Variants in ARHGAP12 observed in about 807,000 individuals in gnomAD.
ARHGAP12 encodes the protein Rho GTPase activating protein 12, also known as rho GTPase-activating protein 12.
Under a neutral mutation model 108.6 loss-of-function variants are expected in ARHGAP12, and 64 were observed. The observed-to-expected ratio is 0.59, with a 90% CI of 0.48 to 0.73. The LOEUF (loss-of-function observed/expected upper bound fraction) is 0.73. Among genes scored for constraint, ARHGAP12 ranks in the 30% least tolerant of loss-of-function variants. The pLI is 0.00. For synonymous variants in ARHGAP12, 312 were observed against 337.2 expected, an observed-to-expected ratio of 0.93 and a Z score of 0.82; for missense variants, 940 against 1,005.9, an observed-to-expected ratio of 0.93 and a Z score of 0.89.
At chr10:31,893,522 T>A (rs1295774632) in intron 3 of ARHGAP12, among the ~76,000 whole-genome samples, 1 of 151,946 alleles carries the variant, frequency 6.6e-6, no homozygotes, top group African/African-American at 2.4e-5. Flanking sequence ...CCTCGACTCA[T>A]ACACCCTCCC....
At chr10:31,873,047 A>G (rs1484010169) in intron 3 of ARHGAP12, among the ~76,000 whole-genome samples, 1 of 152,208 alleles carries the variant, frequency 6.6e-6, no homozygotes, top group Non-Finnish European at 1.5e-5. Context: ...CTGTGCATCT[A>G]GAGCATCAGT....
chr10:31,874,391 C>T (rs1011881135), intron 3 of ARHGAP12, among the ~76,000 whole-genome samples: 4 of 152,158 alleles, frequency 2.6e-5, no homozygotes, highest in African/African-American at 9.7e-5. Flanking sequence ...GGGTTTCTAA[C>T]TTACTATCTG....
rs542614081 is a variant in ARHGAP12 at position 31,816,320 on chromosome 10, C to G, written c.1731+1468G>C. 3.9e-5 allele frequency among the ~76,000 whole-genome samples: 6 copies of G among 152,190 alleles called. No homozygotes were observed. In the South Asian group the frequency reaches 1.2e-3, roughly 32 times the overall value. ...TGCAAGGCCTTCCCTAACTAATACA[C>G]TAGGTTTGCCCCTACTTAATTGGTG... On this transcript the variant is annotated intron_variant, in intron 13 of 19. Transcript: ENST00000344936.
intron 3 of ARHGAP12, among the ~76,000 whole-genome samples, chr10:31,871,714 T>C (rs953199859): frequency 1.3e-5 from 2 of 152,174 alleles, no homozygotes; most frequent in Non-Finnish European, 2.9e-5. Flanking sequence ...AATCGTGCCA[T>C]GCTATAAACT....
intron 11 of ARHGAP12, among the ~76,000 whole-genome samples, chr10:31,824,381 G>T (rs984718734): frequency 1.3e-5 from 2 of 152,100 alleles, no homozygotes; most frequent in African/African-American, 2.4e-5. Context: ...AATTAAAATA[G>T]TGATTCCCTG....
intron 3 of ARHGAP12, among the ~76,000 whole-genome samples, chr10:31,871,383 G>C (rs1213358176): frequency 6.6e-6 from 1 of 151,926 alleles, no homozygotes; most frequent in African/African-American, 2.4e-5. Flanking sequence ...GAAACTCAGA[G>C]GTGCTCTATT....
At chr10:31,885,436 T>A (rs753057659) in intron 3 of ARHGAP12, among the ~76,000 whole-genome samples, 1 of 152,198 alleles carries the variant, frequency 6.6e-6, no homozygotes, top group Admixed American at 6.5e-5. Flanking sequence ...TATTTTTCTA[T>A]CACCTCATTA....
intron 4 of ARHGAP12, among the ~76,000 whole-genome samples, chr10:31,857,671 C>T (rs1023665502): frequency 4.6e-5 from 7 of 152,006 alleles, no homozygotes; most frequent in Non-Finnish European, 8.8e-5. Context: ...AAGCTGCCAA[C>T]AAAAAGAGAC....
At chr10:31,815,120 CA>C (rs57510581) in intron 13 of ARHGAP12, among the ~76,000 whole-genome samples, 53,812 of 111,674 alleles carry the variant, frequency 0.48, 10,748 homozygotes, top group Middle Eastern at 0.6. Flanking sequence ...GACTCTGTCT[CA>C]AAAAAAAAAA....
chr10:31,872,764 T>C (rs556070463), intron 3 of ARHGAP12, among the ~76,000 whole-genome samples: 20 of 152,302 alleles, frequency 1.3e-4, no homozygotes, highest in South Asian at 8.3e-4. Flanking sequence ...TCCAAGGACC[T>C]TGAAAGAGAA....
At chr10:31,888,361 A>G (rs2132391305) in intron 3 of ARHGAP12, among the ~76,000 whole-genome samples, 1 of 152,348 alleles carries the variant, frequency 6.6e-6, no homozygotes, top group South Asian at 2.1e-4. Flanking sequence ...AGGCAAGCCA[A>G]GACAGACTCT....
rs764510494 is a variant in ARHGAP12 at position 31,807,705 on chromosome 10, T to C, written c.2494A>G (p.Ile832Val). ...AGTTCCAGAAGAATTAATTCTACAA[T>C]CTGATTCTGGTACACAGTATGAACT... ...IAVHTVYQNQ[I>V]VELILLELSS... Residue 832 changes from isoleucine (I) to valine (V), a missense_variant, in exon 20 of 20, where the codon ATT (isoleucine) becomes GTT (valine). Coordinates refer to ENST00000344936, the MANE Select transcript of ARHGAP12 (RefSeq NM_018287.7). 2 of 1,606,756 alleles carry C rather than the reference T, an allele frequency of 1.2e-6. No homozygotes were observed. The highest frequency in any genetic ancestry group is 1.7e-6 in the Non-Finnish European group (2 of 1,177,898).
intron 6 of ARHGAP12, among the ~76,000 whole-genome samples, chr10:31,845,695 G>T (rs1274932445): frequency 6.6e-6 from 1 of 152,148 alleles, no homozygotes; most frequent in Admixed American, 6.5e-5. Context: ...TGAGGCACAA[G>T]AATAGCTTGA....
intron 16 of ARHGAP12, among the ~76,000 whole-genome samples, chr10:31,810,314 T>C (rs1834968446): frequency 6.6e-6 from 1 of 152,150 alleles, no homozygotes; most frequent in East Asian, 1.9e-4. Context: ...TCGGATCTTA[T>C]ACATTGTCAA....
chr10:31,852,715 T>G (rs1411502722), intron 5 of ARHGAP12, 118 bp from the exon 6 acceptor site: 4 of 588,406 alleles, frequency 6.8e-6, no homozygotes, highest in African/African-American at 5.9e-5. Context: ...TCAAGAACAT[T>G]GCAACAAAAA....
intron 10 of ARHGAP12, among the ~76,000 whole-genome samples, chr10:31,831,142 TGTA>T (rs1461650171): frequency 6.6e-6 from 1 of 152,200 alleles, no homozygotes; most frequent in African/African-American, 2.4e-5. Context: ...AATAGACAAG[TGTA>T]GTTTAAAACG....
At chr10:31,838,873 A>G (rs1025552085) in intron 9 of ARHGAP12, among the ~76,000 whole-genome samples, 2 of 150,342 alleles carry the variant, frequency 1.3e-5, no homozygotes, top group Non-Finnish European at 3.0e-5. Context: ...GTGCTGGTGC[A>G]TGCCTGTGGT....
At chr10:31,864,793 G>A (rs1294152932) in intron 3 of ARHGAP12, among the ~76,000 whole-genome samples, 3 of 152,192 alleles carry the variant, frequency 2.0e-5, no homozygotes, top group African/African-American at 7.2e-5. Flanking sequence ...ACTCAAGCTA[G>A]GTGATTAGGC....
chr10:31,850,168 C>T (rs1836620124), intron 6 of ARHGAP12, among the ~76,000 whole-genome samples: 1 of 152,150 alleles, frequency 6.6e-6, no homozygotes, highest in Admixed American at 6.5e-5. Context: ...ATTTGAGGTA[C>T]TGTTAAGAGC....
Sources: gnomAD v4.1 joint callset for allele counts (sites outside exome capture counted in the v4.1 genomes callset) on GRCh38, gnomAD v4.1.1 for gene constraint, MANE v1.5 for transcripts, NCBI Gene and HGNC (gene_info 2026-07-23, HGNC 2026-07-21) for gene names.